The following CPED1 variants were observed in gnomAD, a reference collection of about 807,000 sequenced individuals.
CPED1 encodes the protein cadherin-like and PC-esterase domain-containing protein 1.
In CPED1, 114 loss-of-function variants were observed where a neutral mutation model predicts 128.2. The ratio of observed to expected loss-of-function variants is 0.89; its 90% CI spans 0.76 to 1.04. CPED1 has a LOEUF of 1.04. Among genes scored for constraint, CPED1 ranks in the 50% least tolerant of loss-of-function variants. CPED1 has a pLI of 0.00. For synonymous variants in CPED1, 462 were observed against 426.7 expected (o/e 1.08, Z -1.02); for missense variants, 1,211 against 1,207.1 (o/e 1.00, Z -0.05).
intron 5 of CPED1, among the ~76,000 whole-genome samples, chr7:121,080,134 A>G (rs1199512274): frequency 6.6e-6 from 1 of 152,204 alleles, no homozygotes; most frequent in Non-Finnish European, 1.5e-5. Context: ...TGCATTACAT[A>G]ATAAACACTG....
chr7:121,124,046 G>C (rs1795446060), intron 7 of CPED1, among the ~76,000 whole-genome samples: 1 of 152,076 alleles, frequency 6.6e-6, no homozygotes, highest in African/African-American at 2.4e-5. Context: ...ATGAAACTTT[G>C]GAGTTCTGAT....
At chr7:121,257,778 C>T (rs1791919459) in intron 18 of CPED1, among the ~76,000 whole-genome samples, 1 of 152,050 alleles carries the variant, frequency 6.6e-6, no homozygotes, top group Non-Finnish European at 1.5e-5. Context: ...AATAAGTTCT[C>T]ATCCTACCCA....
intron 16 of CPED1, 151 bp from the exon 17 acceptor site, chr7:121,236,563 A>T: frequency 2.2e-6 from 1 of 450,878 alleles, no homozygotes; most frequent in Non-Finnish European, 4.0e-6. Flanking sequence ...AGCACAAACA[A>T]CTATTGATAA....
At chr7:121,075,593 G>C (rs1794103746) in intron 5 of CPED1, among the ~76,000 whole-genome samples, 1 of 152,062 alleles carries the variant, frequency 6.6e-6, no homozygotes, top group South Asian at 2.1e-4. Flanking sequence ...CTCCTGAGTA[G>C]CTGGGATTAC....
At chr7:121,018,827 A>G (rs1324190953) in intron 3 of CPED1, among the ~76,000 whole-genome samples, 2 of 152,126 alleles carry the variant, frequency 1.3e-5, no homozygotes, top group Admixed American at 1.3e-4. Context: ...CTTTCAAATT[A>G]TGCACGTTAT....
rs141642613 is a variant in CPED1, at chr7:121,118,211, A to G, written c.919-6120A>G. ...TTTAAAATATTAATACTGATGCTGA[A>G]CTCTTCTTGTTCTAGCATTAAGTGG... is the stretch of plus-strand genomic sequence containing the variant. On this transcript the variant is annotated intron_variant, in intron 7 of 22. Coordinates refer to ENST00000310396, the MANE Select transcript of CPED1 (RefSeq NM_024913.5). Among the ~76,000 whole-genome samples, 310 of 152,096 alleles carry G rather than the reference A, an allele frequency of 2.0e-3. 1 individual carries two copies. The highest frequency in any genetic ancestry group is 1.4e-3 in the Admixed American group (22 of 15,266).
chr7:121,029,401 T>G (rs1240000363), intron 3 of CPED1, among the ~76,000 whole-genome samples: 3 of 152,212 alleles, frequency 2.0e-5, no homozygotes, highest in Non-Finnish European at 2.9e-5. Context: ...TTACCTGTTG[T>G]TCTATGGAAG....
intron 16 of CPED1, among the ~76,000 whole-genome samples, chr7:121,225,273 C>G (rs1375645484): frequency 6.6e-6 from 1 of 152,132 alleles, no homozygotes; most frequent in African/African-American, 2.4e-5. Flanking sequence ...GTTGCAAATT[C>G]TTTTCTTTAA....
At chr7:121,278,756 A>G (rs1457820631) in intron 22 of CPED1, among the ~76,000 whole-genome samples, 1 of 152,174 alleles carries the variant, frequency 6.6e-6, no homozygotes, top group Non-Finnish European at 1.5e-5. Flanking sequence ...GGAGTACCCT[A>G]TATTGAATGG....
rs1585024296 is a variant in CPED1, at chr7:121,024,645, AT to A, written c.433+8800del. Among the ~76,000 whole-genome samples, 3 of 152,208 alleles carry A rather than the reference AT, an allele frequency of 2.0e-5. No homozygotes were observed. The East Asian group carries it at 5.8e-4, about 29-fold the overall frequency. On this transcript the variant is annotated intron_variant, in intron 3 of 22. Transcript: ENST00000310396. Reference sequence around the variant, plus strand: ...TTTAAGGAAAAATGCAGCATTGAAAATTTGATAAGTAATTTACTTCAGGTCA... The same window carrying A: ...TTTAAGGAAAAATGCAGCATTGAAAATTGATAAGTAATTTACTTCAGGTCA...
At chr7:121,213,574 T>A (rs1797695459) in intron 16 of CPED1, among the ~76,000 whole-genome samples, 1 of 152,046 alleles carries the variant, frequency 6.6e-6, no homozygotes, top group African/African-American at 2.4e-5. Context: ...GATCACAATC[T>A]ATGCAATGGA....
At chr7:121,173,934 G>A (rs1362835663) in intron 16 of CPED1, among the ~76,000 whole-genome samples, 1 of 152,092 alleles carries the variant, frequency 6.6e-6, no homozygotes, top group African/African-American at 2.4e-5. Flanking sequence ...TCTGACTGGT[G>A]TGAGATAGTA....
chr7:121,223,470 A>G (rs113550245), intron 16 of CPED1, among the ~76,000 whole-genome samples: 2,820 of 152,258 alleles, frequency 0.019, 86 homozygotes, highest in African/African-American at 0.062. Flanking sequence ...TGCTGGCCTC[A>G]TAAAATGAGT....
intron 16 of CPED1, among the ~76,000 whole-genome samples, chr7:121,219,121 T>A (rs1436805089): frequency 1.3e-5 from 2 of 152,098 alleles, no homozygotes; most frequent in African/African-American, 4.8e-5. Flanking sequence ...TATCTAAGCA[T>A]ATAAATTCAT....
intron 16 of CPED1, among the ~76,000 whole-genome samples, chr7:121,172,495 A>G (rs1358330434): frequency 6.6e-6 from 1 of 152,110 alleles, no homozygotes; most frequent in Non-Finnish European, 1.5e-5. Flanking sequence ...TTCTTCTAGA[A>G]AGGTAAACCA....
chr7:121,080,230 G>A (rs568129495), intron 5 of CPED1, among the ~76,000 whole-genome samples: 142 of 151,832 alleles, frequency 9.4e-4, no homozygotes, highest in African/African-American at 3.3e-3. Flanking sequence ...ATTCTTAGTT[G>A]TGTGTAGACA....
At chr7:120,993,388 T>C (rs1247843669) in intron 2 of CPED1, among the ~76,000 whole-genome samples, 1 of 152,194 alleles carries the variant, frequency 6.6e-6, no homozygotes, top group African/African-American at 2.4e-5. Context: ...GGCTCCAAAA[T>C]GAGAACTACT....
intron 5 of CPED1, among the ~76,000 whole-genome samples, chr7:121,078,193 C>T (rs532488814): frequency 4.9e-4 from 74 of 152,072 alleles, no homozygotes; most frequent in African/African-American, 1.7e-3. Context: ...TATAGGTGTG[C>T]ACCACCACAC....
At chr7:121,133,637 A>G (rs772954852) in intron 12 of CPED1, among the ~76,000 whole-genome samples, 186 bp from the exon 13 acceptor site, 9 of 152,078 alleles carry the variant, frequency 5.9e-5, no homozygotes, top group Admixed American at 1.3e-4. Context: ...ATTAGGGATG[A>G]TGAGATTTCC....
Sources: allele counts gnomAD v4.1 joint callset (sites outside exome capture counted in the v4.1 genomes callset), GRCh38; gene constraint gnomAD v4.1.1; transcripts MANE v1.5; gene names NCBI Gene and HGNC (gene_info 2026-07-23, HGNC 2026-07-21).